The following MAML2 variants were observed in gnomAD, a reference collection of about 807,000 sequenced individuals.
The protein encoded by MAML2 is mastermind-like protein 2.
In MAML2, 22 loss-of-function variants were observed where a neutral mutation model predicts 96.1. That is an observed-to-expected ratio of 0.23 (90% confidence interval 0.16 to 0.33). MAML2 has a LOEUF of 0.33. Among genes scored for constraint, MAML2 ranks in the 10% least tolerant of loss-of-function variants. The pLI, the probability that MAML2 is intolerant of heterozygous loss-of-function variation, is 1.00. For missense variants in MAML2, 1,367 were observed against 1,392.4 expected, an observed-to-expected ratio of 0.98 and a Z score of 0.29; for synonymous variants, 561 against 521.3, an observed-to-expected ratio of 1.08 and a Z score of -1.04.
At chr11:96,245,200 C>T (rs1404083825) in intron 1 of MAML2, among the ~76,000 whole-genome samples, 7 of 149,742 alleles carry the variant, frequency 4.7e-5, no homozygotes, top group South Asian at 4.2e-4. Flanking sequence ...AAGTGCCTTC[C>T]GAACAGTCAT....
chr11:96,310,670 C>T (rs1460867355), intron 1 of MAML2, among the ~76,000 whole-genome samples: 1 of 152,164 alleles, frequency 6.6e-6, no homozygotes, highest in Admixed American at 6.5e-5. Flanking sequence ...ATAAGAAGCA[C>T]TGGACTAAAG....
chr11:96,215,781 C>T (rs778903937), intron 1 of MAML2, among the ~76,000 whole-genome samples: 1 of 152,098 alleles, frequency 6.6e-6, no homozygotes, highest in Non-Finnish European at 1.5e-5. Context: ...TGGTTGTTCC[C>T]TCTCTTTAAC....
intron 1 of MAML2, among the ~76,000 whole-genome samples, chr11:96,195,714 A>T (rs1479276324): frequency 6.6e-6 from 1 of 152,258 alleles, no homozygotes; most frequent in Admixed American, 6.5e-5. Flanking sequence ...CTGTGTGCAT[A>T]TAATTGTAAA....
At chr11:96,148,279 A>G (rs115067084) in intron 1 of MAML2, among the ~76,000 whole-genome samples, 148 of 152,222 alleles carry the variant, frequency 9.7e-4, no homozygotes, top group African/African-American at 3.3e-3. Flanking sequence ...TTCAGATTCA[A>G]TGATTTTCTT....
At chr11:96,136,314 T>C (rs572299187) in intron 1 of MAML2, among the ~76,000 whole-genome samples, 7 of 151,280 alleles carry the variant, frequency 4.6e-5, no homozygotes, top group African/African-American at 2.5e-5. Context: ...GTTATATGTA[T>C]ATATGTAATA....
At chr11:95,990,341 T>C (rs1333963842) in intron 3 of MAML2, among the ~76,000 whole-genome samples, 1 of 152,290 alleles carries the variant, frequency 6.6e-6, no homozygotes, top group East Asian at 1.9e-4. Flanking sequence ...ATCCCATCTT[T>C]ACCCATCAAT....
rs372528478 is a variant in MAML2, at chr11:96,097,660, ATTAAT to A, written c.514-4148_514-4144del. Among the ~76,000 whole-genome samples, 45 of 152,318 alleles carry A rather than the reference ATTAAT, an allele frequency of 3.0e-4. No individual in the cohort carries two copies. In the East Asian group the frequency reaches 7.7e-3, roughly 26 times the overall value. On this transcript the variant is annotated intron_variant, in intron 1 of 4. Transcript: ENST00000524717. ...AGGTTAAAGAACTGTTTCAAAATAT[ATTAAT>A]TTATCTTTTTGCCAACACGGTCATA...
chr11:96,341,577 G>A lies in MAML2; in HGVS notation c.319C>T (p.Pro107Ser), dbSNP rs565979295. 2 of 1,551,248 alleles carry A rather than the reference G, an allele frequency of 1.3e-6. No individual in the cohort carries two copies. The highest frequency in any genetic ancestry group is 1.4e-5 in the African/African-American group (1 of 73,114). The change falls in exon 1 of 5, where the codon CCG (proline) becomes TCG (serine). Residue 107 changes from proline (P) to serine (S), a missense_variant. Transcript: ENST00000524717. Reference protein sequence around the residue: ...ATAATTTAPPPPPAAPPAASQ... With the variant: ...ATAATTTAPPSPPAAPPAASQ... ...GCCGCAGGAGGGGCAGCAGGGGGCG[G>A]TGGAGGGGCTGTAGTGGTGGCAGCA...
intron 2 of MAML2, among the ~76,000 whole-genome samples, chr11:96,003,803 T>C (rs1858135264): frequency 6.6e-6 from 1 of 152,182 alleles, no homozygotes; most frequent in African/African-American, 2.4e-5. Context: ...ATATCATACA[T>C]ATAACACAAG....
intron 1 of MAML2, among the ~76,000 whole-genome samples, chr11:96,296,184 C>T (rs1187115809): frequency 1.3e-5 from 2 of 152,188 alleles, no homozygotes; most frequent in South Asian, 2.1e-4. Flanking sequence ...TACAGGCACA[C>T]ACCATCATAC....
chr11:96,315,709 A>C (rs1863622058), intron 1 of MAML2, among the ~76,000 whole-genome samples: 1 of 152,232 alleles, frequency 6.6e-6, no homozygotes, highest in South Asian at 2.1e-4. Flanking sequence ...AACAGAGAAG[A>C]GAGCAATCTA....
chr11:96,015,433 T>G (rs1858330385), intron 2 of MAML2, among the ~76,000 whole-genome samples: 1 of 152,134 alleles, frequency 6.6e-6, no homozygotes, highest in Non-Finnish European at 1.5e-5. Flanking sequence ...AAGTATTTTG[T>G]AAACACTGTA....
intron 1 of MAML2, among the ~76,000 whole-genome samples, chr11:96,178,573 G>A (rs116149156): frequency 0.013 from 2,002 of 152,230 alleles, 43 homozygotes; most frequent in African/African-American, 0.046. Context: ...CCTCTGAGGG[G>A]GAAAAGGGAG....
intron 1 of MAML2, among the ~76,000 whole-genome samples, chr11:96,276,386 A>G (rs531341537): frequency 2.6e-5 from 4 of 152,328 alleles, no homozygotes; most frequent in African/African-American, 9.6e-5. Flanking sequence ...GGACAGGAAG[A>G]ACAATTTCTT....
chr11:96,020,524 C>T (rs905378833), intron 2 of MAML2, among the ~76,000 whole-genome samples: 2 of 152,116 alleles, frequency 1.3e-5, no homozygotes, highest in African/African-American at 4.8e-5. Context: ...AAGCCTTATT[C>T]GGTAGGTGTT....
At chr11:96,333,314 A>T (rs924392063) in intron 1 of MAML2, among the ~76,000 whole-genome samples, 2 of 152,168 alleles carry the variant, frequency 1.3e-5, no homozygotes, top group African/African-American at 4.8e-5. Context: ...TATCCTCAAG[A>T]AAGGGGAGGA....
chr11:96,166,317 C>A (rs376527981), intron 1 of MAML2, among the ~76,000 whole-genome samples: 7 of 152,204 alleles, frequency 4.6e-5, no homozygotes, highest in African/African-American at 1.7e-4. Flanking sequence ...CAGTTTTCTG[C>A]AAATAGCCAA....
chr11:96,124,705 C>CAG (rs370542165), intron 1 of MAML2, among the ~76,000 whole-genome samples: 15 of 150,824 alleles, frequency 9.9e-5, no homozygotes, highest in African/African-American at 1.7e-4. Flanking sequence ...GTGTGTGAGA[C>CAG]AGAGAGAGAG....
chr11:95,985,480 T>A, intron 4 of MAML2, 51 bp downstream of exon 4: 2 of 1,144,380 alleles, frequency 1.7e-6, no homozygotes, highest in Admixed American at 2.6e-5. Context: ...AAATTGAAGT[T>A]TTTTTTTCCT....
Sources: gnomAD v4.1 joint callset for allele counts (sites outside exome capture counted in the v4.1 genomes callset) on GRCh38, gnomAD v4.1.1 for gene constraint, MANE v1.5 for transcripts, NCBI Gene and HGNC (gene_info 2026-07-23, HGNC 2026-07-21) for gene names.